Variants in PRKAA2 observed in about 807,000 individuals in gnomAD.
PRKAA2 encodes the protein protein kinase AMP-activated catalytic subunit alpha 2.
PRKAA2 carries 40 observed loss-of-function variants against 56.3 expected under a neutral mutation model. The ratio of observed to expected loss-of-function variants is 0.71; its 90% CI spans 0.55 to 0.92. The LOEUF is 0.92. Ranked by LOEUF, PRKAA2 falls within the 40% of genes least tolerant of loss-of-function variation. The pLI is 0.00. For synonymous variants in PRKAA2, 214 were observed against 234.2 expected, an observed-to-expected ratio of 0.91 and a Z score of 0.79; for missense variants, 542 against 686.9, an observed-to-expected ratio of 0.79 and a Z score of 2.36.
chr1:56,695,534 A>T lies in PRKAA2; in HGVS notation c.564-401A>T, dbSNP rs543664976. On this transcript the variant is annotated intron_variant, in intron 5 of 8. Transcript: ENST00000371244. The stretch of plus-strand genomic sequence containing the variant: ...GTGCCAGGGGTAGAAATTCTATTAT[A>T]TGTATACATTATATATATGTTTTCT... Among the ~76,000 whole-genome samples the T allele has an allele frequency of 1.5e-4, 23 of 152,184 alleles. No individual in the cohort carries two copies. The South Asian group carries it at 4.8e-3, about 32-fold the overall frequency.
chr1:56,698,801 T>C (rs1171961930), intron 6 of PRKAA2, among the ~76,000 whole-genome samples: 1 of 152,234 alleles, frequency 6.6e-6, no homozygotes, highest in African/African-American at 2.4e-5. Context: ...TTTTCGCTTT[T>C]ATTCATTCAA....
intron 1 of PRKAA2, among the ~76,000 whole-genome samples, chr1:56,661,089 A>C (rs1643989956): frequency 6.6e-6 from 1 of 152,076 alleles, no homozygotes. Context: ...ACGGCTTTTG[A>C]CATGAATGAG....
rs1221172443 is a variant in PRKAA2, at chr1:56,709,054, A to G, written c.*1341A>G. 1 of 152,102 alleles carries G rather than the reference A, an allele frequency of 6.6e-6. No individual in the cohort carries two copies. The highest frequency in any genetic ancestry group is 1.5e-5 in the Non-Finnish European group (1 of 68,004). The allele number at this position is 152,102 out of a possible 1,614,324, so 9.4% of individuals were successfully genotyped here. ...TGTTTTAGTAAAAGTATTTAATTTT[A>G]AATTCTGTGTAATTTATCTAATTTG... is the stretch of plus-strand genomic sequence containing the variant. On this transcript the variant is annotated 3_prime_UTR_variant, in exon 9 of 9. Coordinates refer to ENST00000371244, the MANE Select transcript of PRKAA2 (RefSeq NM_006252.4).
chr1:56,669,246 G>A (rs1424300579), intron 1 of PRKAA2, among the ~76,000 whole-genome samples: 1 of 152,062 alleles, frequency 6.6e-6, no homozygotes, highest in Non-Finnish European at 1.5e-5. Flanking sequence ...ATCACCTGAG[G>A]TCAGGAGTTC....
intron 1 of PRKAA2, among the ~76,000 whole-genome samples, chr1:56,649,450 G>C (rs1646669497): frequency 6.6e-6 from 1 of 152,210 alleles, no homozygotes; most frequent in Non-Finnish European, 1.5e-5. Flanking sequence ...GGGTGACCAA[G>C]GCAGGAGGAT....
Position 56,674,381 on chromosome 1 carries a change from T to A in PRKAA2, c.95T>A (p.Ile32Asn). 2 of 1,543,426 alleles carry A rather than the reference T, an allele frequency of 1.3e-6. No individual in the cohort carries two copies. Among genetic ancestry groups the A allele is most frequent in the Non-Finnish European group, 1.7e-6 (2 of 1,150,726 alleles). ...LGVGTFGKVKIGEHQLTGHKV... is the reference protein window; with the variant it reads ...LGVGTFGKVKNGEHQLTGHKV... ...TTTTTTTCCTTTTTCTTTTCTTTAG[T>A]TGGAGAACATCAATTAACAGGCCAT... The change falls in exon 2 of 9, where the codon ATT becomes AAT. Residue 32 changes from isoleucine (I) to asparagine (N), a missense_variant and splice_region_variant. Around this residue, in one of 5 missense-constraint regions of PRKAA2, gnomAD observed 59 missense variants for 53.9 expected, o/e 1.09. Coordinates refer to ENST00000371244, the MANE Select transcript of PRKAA2 (RefSeq NM_006252.4).
chr1:56,685,175 G>A (rs1644182294), intron 2 of PRKAA2, among the ~76,000 whole-genome samples: 1 of 152,124 alleles, frequency 6.6e-6, no homozygotes, highest in East Asian at 1.9e-4. Flanking sequence ...TATGAGTACA[G>A]ATAAACAAGA....
At chr1:56,671,931 T>C (rs1469741578) in intron 1 of PRKAA2, among the ~76,000 whole-genome samples, 2 of 152,200 alleles carry the variant, frequency 1.3e-5, no homozygotes, top group Non-Finnish European at 2.9e-5. Flanking sequence ...TCATTAATGG[T>C]CACTTTTGTC....
intron 1 of PRKAA2, among the ~76,000 whole-genome samples, chr1:56,650,179 T>C (rs1646676096): frequency 1.3e-5 from 2 of 152,246 alleles, no homozygotes; most frequent in South Asian, 4.1e-4. Flanking sequence ...AAAGCAAAAA[T>C]TGAAAATGGA....
chr1:56,703,862 G>T, intron 6 of PRKAA2, 109 bp from the exon 7 acceptor site: 2 of 1,269,500 alleles, frequency 1.6e-6, no homozygotes, highest in Non-Finnish European at 2.2e-6. Context: ...GCAGAGCTAG[G>T]TCTAGAGACC....
chr1:56,662,621 A>G (rs756629831), intron 1 of PRKAA2, among the ~76,000 whole-genome samples: 4 of 152,168 alleles, frequency 2.6e-5, no homozygotes, highest in Non-Finnish European at 5.9e-5. Flanking sequence ...CATCAAGGTC[A>G]AGATACTTTT....
intron 1 of PRKAA2, among the ~76,000 whole-genome samples, chr1:56,669,347 T>C (rs1371169478): frequency 6.6e-6 from 1 of 151,852 alleles, no homozygotes; most frequent in African/African-American, 2.4e-5. Flanking sequence ...TAATTCCAGC[T>C]ACTTGGGAGG....
chr1:56,703,872 C>T lies in PRKAA2; in HGVS notation c.789-99C>T, dbSNP rs1569795424. On this transcript the variant is annotated intron_variant, in intron 6 of 8. Transcript: ENST00000371244. ...AAGTGGCAGAGCTAGGTCTAGAGACCAGATCTTTTGATTATATTCTATTAT... is the reference window on the plus strand; with the variant it reads ...AAGTGGCAGAGCTAGGTCTAGAGACTAGATCTTTTGATTATATTCTATTAT... The T allele has an allele frequency of 2.6e-5, 35 of 1,348,398 alleles. 1 individual carries two copies. In the South Asian group the frequency reaches 4.2e-4, roughly 16 times the overall value. The allele number at this position is 1,348,398 out of a possible 1,614,324, so 83.5% of individuals were successfully genotyped here.
At chr1:56,706,046 G>C (rs766218502) in intron 7 of PRKAA2, 46 bp from the exon 8 acceptor site, 18 of 1,519,030 alleles carry the variant, frequency 1.2e-5, no homozygotes, top group African/African-American at 2.8e-5. Context: ...TGCATAAAAA[G>C]GTAGATATTT....
chr1:56,664,856 A>G (rs1239701475), intron 1 of PRKAA2, among the ~76,000 whole-genome samples: 1 of 4,112 alleles, frequency 2.4e-4, no homozygotes, highest in Non-Finnish European at 1.1e-3. Flanking sequence ...GTATATGTGT[A>G]CACACACACA....
intron 2 of PRKAA2, among the ~76,000 whole-genome samples, chr1:56,675,797 C>G (rs1193318341): frequency 6.6e-6 from 1 of 151,910 alleles, no homozygotes; most frequent in African/African-American, 2.4e-5. Context: ...AAAGCAGTAT[C>G]AATAGTATAA....
At chr1:56,691,875 A>G (rs1373687592) in intron 3 of PRKAA2, among the ~76,000 whole-genome samples, 1 of 152,140 alleles carries the variant, frequency 6.6e-6, no homozygotes, top group East Asian at 1.9e-4. Context: ...CTTAGCGACA[A>G]AGACAAACTT....
chr1:56,694,162 T>C (rs1644244832), intron 5 of PRKAA2, among the ~76,000 whole-genome samples: 1 of 152,188 alleles, frequency 6.6e-6, no homozygotes, highest in Non-Finnish European at 1.5e-5. Flanking sequence ...TAAGCTAGTG[T>C]CATTTATTTA....
chr1:56,674,347 A>G, intron 1 of PRKAA2, 34 bp from the exon 2 acceptor site: 3 of 1,505,538 alleles, frequency 2.0e-6, no homozygotes, highest in Non-Finnish European at 2.7e-6. Flanking sequence ...TGTTGATATG[A>G]TAGCACATTT....
Sources: gnomAD v4.1 joint callset for allele counts (sites outside exome capture counted in the v4.1 genomes callset) on GRCh38, gnomAD v4.1.1 for gene constraint, gnomAD v4.1.1 regional missense constraint, MANE v1.5 for transcripts, NCBI Gene and HGNC (gene_info 2026-07-23, HGNC 2026-07-21) for gene names.